Variants in MAP3K14 observed in about 807,000 individuals in gnomAD.
MAP3K14 encodes the protein mitogen-activated protein kinase kinase kinase 14.
A neutral mutation model predicts 99.2 loss-of-function variants in MAP3K14; 16 were observed. The ratio of observed to expected loss-of-function variants is 0.16; its 90% CI spans 0.11 to 0.24. The LOEUF is 0.24. MAP3K14 is among the 10% of genes least tolerant of loss of function. The pLI is 1.00. For synonymous variants in MAP3K14, 462 were observed against 492.4 expected, an observed-to-expected ratio of 0.94 and a Z score of 0.82; for missense variants, 784 against 1,208.7, an observed-to-expected ratio of 0.65 and a Z score of 5.21.
intron 11 of MAP3K14, among the ~76,000 whole-genome samples, chr17:45,270,118 C>G (rs1489469803): frequency 6.6e-6 from 1 of 152,118 alleles, no homozygotes; most frequent in Non-Finnish European, 1.5e-5. Context: ...GTGGAAATCC[C>G]CACACATGTG....
chr17:45,283,892 G>C (rs565951046), intron 6 of MAP3K14, among the ~76,000 whole-genome samples: 1 of 152,298 alleles, frequency 6.6e-6, no homozygotes, highest in African/African-American at 2.4e-5. Context: ...TTTGACTGGG[G>C]ACAAGGTGGC....
intron 6 of MAP3K14, among the ~76,000 whole-genome samples, chr17:45,284,260 C>T (rs551962665): frequency 3.3e-5 from 5 of 152,334 alleles, no homozygotes; most frequent in South Asian, 2.1e-4. Context: ...TCTTGCCACC[C>T]GGCCAGTGAC....
intron 6 of MAP3K14, among the ~76,000 whole-genome samples, chr17:45,279,898 C>T (rs922518731): frequency 4.6e-5 from 7 of 152,200 alleles, no homozygotes; most frequent in African/African-American, 9.7e-5. Flanking sequence ...TCACCTCTAT[C>T]GAGGTATTTT....
intron 1 of MAP3K14, among the ~76,000 whole-genome samples, chr17:45,316,123 A>G (rs2044529869): frequency 6.6e-6 from 1 of 152,166 alleles, no homozygotes; most frequent in Non-Finnish European, 1.5e-5. Flanking sequence ...GTACCTTTTC[A>G]CCACTTATCC....
In MAP3K14 at chr17:45,272,262, G is replaced by C. The variant is rs1490288164; in HGVS notation, c.1658-1041C>G. 6.6e-6 allele frequency among the ~76,000 whole-genome samples: 1 copy of C among 152,132 alleles called. No homozygotes were observed. The highest frequency in any genetic ancestry group is 1.5e-5 in the Non-Finnish European group (1 of 68,028). ...GATCGCTTGAACCAAGGAGCTTGAG[G>C]CTGCAGTGAGCTATGAGTGAGCTAC... On this transcript the variant is annotated intron_variant, in intron 9 of 15. Transcript: ENST00000344686. This position sits in a 1 kb window ranked among gnomAD's most constrained non-coding sequence, Gnocchi z 4.1.
chr17:45,277,681 C>G (rs761108925), intron 6 of MAP3K14, among the ~76,000 whole-genome samples: 4 of 152,178 alleles, frequency 2.6e-5, no homozygotes, highest in Non-Finnish European at 4.4e-5. Context: ...CTGCAGATAA[C>G]TCAGAAGGGC....
chr17:45,265,698 A>T (rs1403333240), intron 14 of MAP3K14, among the ~76,000 whole-genome samples: 3 of 152,190 alleles, frequency 2.0e-5, no homozygotes, highest in African/African-American at 7.2e-5. Context: ...TTGGCCTCCC[A>T]AAGTGCTGGG....
intron 1 of MAP3K14, among the ~76,000 whole-genome samples, chr17:45,291,641 C>T (rs2044312098): frequency 6.6e-6 from 1 of 152,244 alleles, no homozygotes; most frequent in Non-Finnish European, 1.5e-5. Context: ...TCTGTGCAAA[C>T]AGCCTGCAGA....
intron 1 of MAP3K14, among the ~76,000 whole-genome samples, chr17:45,307,631 C>T (rs562931143): frequency 5.3e-5 from 8 of 152,280 alleles, no homozygotes; most frequent in African/African-American, 7.2e-5. Flanking sequence ...AACCACCCAC[C>T]GCTCCTTTCT....
intron 10 of MAP3K14, chr17:45,270,844 G>T: frequency 1.3e-6 from 1 of 795,274 alleles, no homozygotes; most frequent in Non-Finnish European, 2.0e-6. Context: ...ACAGAAGAGA[G>T]TTCTCACCTG....
At chr17:45,290,223 T>G (rs982620748) in intron 2 of MAP3K14, among the ~76,000 whole-genome samples, 2 of 152,186 alleles carry the variant, frequency 1.3e-5, no homozygotes, top group Non-Finnish European at 2.9e-5. Flanking sequence ...GCTTGATGAT[T>G]CTGCAGAGTC....
At chr17:45,281,405 C>T (rs1463827956) in intron 6 of MAP3K14, among the ~76,000 whole-genome samples, 1 of 148,078 alleles carries the variant, frequency 6.8e-6, no homozygotes, top group Non-Finnish European at 1.5e-5. Context: ...AGTGCAGTGG[C>T]ACAATCTCGG....
intron 2 of MAP3K14, 49 bp downstream of exon 2, chr17:45,290,441 T>A (rs745374399): frequency 1.2e-6 from 2 of 1,605,148 alleles, no homozygotes; most frequent in East Asian, 4.5e-5. Flanking sequence ...GCTACCCACC[T>A]GCAGGCCCAC....
chr17:45,280,070 G>A (rs898817537), intron 6 of MAP3K14, among the ~76,000 whole-genome samples: 1 of 152,164 alleles, frequency 6.6e-6, no homozygotes, highest in African/African-American at 2.4e-5. Flanking sequence ...ACATTGTCTG[G>A]CACAGAGCAG....
intron 6 of MAP3K14, among the ~76,000 whole-genome samples, chr17:45,280,977 A>G (rs147647072): frequency 6.6e-6 from 1 of 152,310 alleles, no homozygotes; most frequent in East Asian, 1.9e-4. Flanking sequence ...ACTGACTAGG[A>G]TAAGAACTTC....
chr17:45,293,139 G>C (rs2044323633), intron 1 of MAP3K14, among the ~76,000 whole-genome samples: 1 of 152,248 alleles, frequency 6.6e-6, no homozygotes, highest in Non-Finnish European at 1.5e-5. Flanking sequence ...GACAAAGATT[G>C]CTTTTCCATA....
At chr17:45,298,780 A>G (rs576293737) in intron 1 of MAP3K14, among the ~76,000 whole-genome samples, 56 of 152,356 alleles carry the variant, frequency 3.7e-4, no homozygotes, top group African/African-American at 1.2e-3. Flanking sequence ...GGAAGAAGAC[A>G]CTGTCCCTTG....
intron 6 of MAP3K14, among the ~76,000 whole-genome samples, chr17:45,279,371 C>T (rs2044202758): frequency 6.6e-6 from 1 of 152,158 alleles, no homozygotes; most frequent in Non-Finnish European, 1.5e-5. Context: ...AGGTGATTCA[C>T]CCGCCTCGGC....
Position 45,267,205 on chromosome 17 carries a change from G to C in MAP3K14, c.2327-7C>G, listed in dbSNP as rs370770636. 2.6e-6 allele frequency: 4 copies of C among 1,567,962 alleles called. No homozygotes were observed. Among genetic ancestry groups the C allele is most frequent in the Non-Finnish European group, 3.5e-6 (4 of 1,152,008 alleles). ...AGGCTGTTGAGGAATAATTCTGCAGGGAAAAGTGGAAGATGGCTGTGAAAG... is the reference window on the plus strand; with the variant it reads ...AGGCTGTTGAGGAATAATTCTGCAGCGAAAAGTGGAAGATGGCTGTGAAAG... On this transcript the variant is annotated splice_polypyrimidine_tract_variant and splice_region_variant and intron_variant, in intron 12 of 15. Transcript: ENST00000344686. This position sits in a 1 kb window ranked among gnomAD's most constrained non-coding sequence, Gnocchi z 5.1.
Sources: gnomAD v4.1 joint callset for allele counts (sites outside exome capture counted in the v4.1 genomes callset) on GRCh38, gnomAD v4.1.1 for gene constraint, Gnocchi (gnomAD v3.1) non-coding constraint, MANE v1.5 for transcripts, NCBI Gene and HGNC (gene_info 2026-07-23, HGNC 2026-07-21) for gene names.